The following SLC23A2 variants were observed in gnomAD, a reference collection of about 807,000 sequenced individuals.
SLC23A2 encodes the protein Na(+)/L-ascorbic acid transporter 2.
A neutral mutation model predicts 73.3 loss-of-function variants in SLC23A2; 36 were observed. The observed-to-expected ratio is 0.49, with a 90% CI of 0.38 to 0.65. The LOEUF is 0.65. Ranked by LOEUF, SLC23A2 falls within the 30% of genes least tolerant of loss-of-function variation. The pLI, the probability that SLC23A2 is intolerant of heterozygous loss-of-function variation, is 0.00. For missense variants in SLC23A2, 507 were observed against 841.6 expected, an observed-to-expected ratio of 0.60 and a Z score of 4.92; for synonymous variants, 343 against 327.3, an observed-to-expected ratio of 1.05 and a Z score of -0.52.
chr20:4,909,423 T>C (rs1210535410), intron 4 of SLC23A2, among the ~76,000 whole-genome samples: 1 of 152,202 alleles, frequency 6.6e-6, no homozygotes, highest in East Asian at 1.9e-4. Context: ...AGGGGGCACA[T>C]TTTCAACTTT....
At chr20:4,901,702 A>C (rs1030194479) in intron 5 of SLC23A2, among the ~76,000 whole-genome samples, 13 of 152,210 alleles carry the variant, frequency 8.5e-5, no homozygotes, top group African/African-American at 2.2e-4. Context: ...TTAAAAAATA[A>C]GACTGAAAAC....
At chr20:4,861,567 T>C (rs1340919413) in intron 15 of SLC23A2, among the ~76,000 whole-genome samples, 1 of 152,140 alleles carries the variant, frequency 6.6e-6, no homozygotes, top group Non-Finnish European at 1.5e-5. Context: ...GAGGAGTTAA[T>C]AGGATAGACA....
In SLC23A2 at chr20:4,979,066, G is replaced by A. The variant is rs941864289; in HGVS notation, c.-281-8147C>T. ...TCCCAGTACTTTGGGAGGCTGAGGCGGGCAGATCACAAGGTCAGGAGTTCG... is the reference window on the plus strand; with the variant it reads ...TCCCAGTACTTTGGGAGGCTGAGGCAGGCAGATCACAAGGTCAGGAGTTCG... On this transcript the variant is annotated intron_variant, in intron 1 of 16. Coordinates refer to ENST00000338244, the MANE Select transcript of SLC23A2 (RefSeq NM_005116.6). Among the ~76,000 whole-genome samples, 8 of 151,988 alleles carry A rather than the reference G, an allele frequency of 5.3e-5. No individual in the cohort carries two copies. In the East Asian group the frequency reaches 7.7e-4, roughly 15 times the overall value.
At chr20:4,890,513 C>T (rs1931291792) in intron 6 of SLC23A2, among the ~76,000 whole-genome samples, 1 of 152,058 alleles carries the variant, frequency 6.6e-6, no homozygotes, top group African/African-American at 2.4e-5. Context: ...ACTAGCCAGG[C>T]ATGGTGGCAG....
intron 9 of SLC23A2, among the ~76,000 whole-genome samples, chr20:4,879,736 C>T (rs1313314202): frequency 6.6e-6 from 1 of 152,160 alleles, no homozygotes; most frequent in Non-Finnish European, 1.5e-5. Context: ...GATTTCAACA[C>T]ATTTTCTAAT....
chr20:4,988,561 C>T (rs879256690), intron 1 of SLC23A2, among the ~76,000 whole-genome samples: 6 of 151,592 alleles, frequency 4.0e-5, no homozygotes, highest in Admixed American at 4.0e-4. Context: ...CATAGTGAAA[C>T]CCTGTCTCTA....
Position 4,867,766 on chromosome 20 carries a change from G to T in SLC23A2, c.1356+4C>A, listed in dbSNP as rs753802942. ...CAATCATTTAATTAGAAAAATCTGT[G>T]TACCTTTGTAATTCCCAAAACTCCA... On this transcript the variant is annotated splice_donor_region_variant and intron_variant, in intron 13 of 16. Transcript: ENST00000338244. 9 of 1,499,926 alleles carry T rather than the reference G, an allele frequency of 6.0e-6. No homozygotes were observed. The East Asian group carries it at 1.1e-4, about 19-fold the overall frequency. 92.9% of individuals were successfully genotyped at this position (1,499,926 alleles called of 1,614,324 possible). A position where few individuals can be genotyped will look rare whatever the true frequency, so the allele number is the denominator to read the frequency against.
intron 1 of SLC23A2, among the ~76,000 whole-genome samples, chr20:4,987,001 A>G (rs986733839): frequency 6.6e-6 from 1 of 152,114 alleles, no homozygotes; most frequent in Admixed American, 6.6e-5. Flanking sequence ...CTTCTGGTGA[A>G]GTCTACTGTA....
intron 3 of SLC23A2, among the ~76,000 whole-genome samples, chr20:4,923,383 C>T (rs1273960854): frequency 6.6e-6 from 1 of 152,196 alleles, no homozygotes; most frequent in African/African-American, 2.4e-5. Context: ...TATTCCTTTT[C>T]TAACACTTTT....
At chr20:4,903,321 G>A (rs1443504895) in intron 4 of SLC23A2, among the ~76,000 whole-genome samples, 2 of 152,118 alleles carry the variant, frequency 1.3e-5, no homozygotes, top group Non-Finnish European at 2.9e-5. Context: ...CATCAGTTCT[G>A]AACTCATGCA....
At chr20:4,900,740 T>TC (rs1931712828) in intron 5 of SLC23A2, among the ~76,000 whole-genome samples, 2 of 151,522 alleles carry the variant, frequency 1.3e-5, no homozygotes, top group Non-Finnish European at 2.9e-5. Context: ...CCTTTGGGAG[T>TC]CCCCCCAACC....
In SLC23A2 at chr20:4,934,139, T is replaced by C. The variant is rs72552370; in HGVS notation, c.-154-1423A>G. 8.9e-3 allele frequency among the ~76,000 whole-genome samples: 1,355 copies of C among 152,294 alleles called. 22 individuals are homozygous for C. The highest frequency in any genetic ancestry group is 0.031 in the African/African-American group (1,290 of 41,558). On this transcript the variant is annotated intron_variant, in intron 2 of 16. Transcript: ENST00000338244. ...CATCAAATTCTTCCGGGGTGGTCGT[T>C]CTTGTTTGCATATTCATGCACATTT...
chr20:4,957,285 C>T (rs2087305936), intron 2 of SLC23A2, among the ~76,000 whole-genome samples: 1 of 151,930 alleles, frequency 6.6e-6, no homozygotes, highest in Non-Finnish European at 1.5e-5. Context: ...GCAAGACTCC[C>T]ATCTGTACAA....
chr20:5,006,554 T>TATA (rs986536031), intron 1 of SLC23A2, among the ~76,000 whole-genome samples: 4 of 139,084 alleles, frequency 2.9e-5, no homozygotes, highest in East Asian at 3.9e-4. Context: ...CCATTTTATT[T>TATA]ATTTATTTAT....
At chr20:4,906,551 C>T (rs978913655) in intron 4 of SLC23A2, among the ~76,000 whole-genome samples, 7 of 151,302 alleles carry the variant, frequency 4.6e-5, no homozygotes, top group African/African-American at 9.7e-5. Context: ...ACCCAGGAGG[C>T]AGAGGCTGCA....
chr20:5,005,794 C>T (rs1028138952), upstream of SLC23A2, among the ~76,000 whole-genome samples: 1 of 152,096 alleles, frequency 6.6e-6, no homozygotes, highest in Non-Finnish European at 1.5e-5. Context: ...TCGAGACCAG[C>T]CTGACCAACA....
Position 4,883,183 on chromosome 20 carries a change from C to T in SLC23A2, c.824+459G>A, listed in dbSNP as rs1381333461. ...ACCCACCCGTCAGGAGTGCAGAGCT[C>T]AGTGTGGCCTGGGGAGAAGAGTCAC... On this transcript the variant is annotated intron_variant, in intron 9 of 16. Coordinates refer to ENST00000338244, the MANE Select transcript of SLC23A2 (RefSeq NM_005116.6). The surrounding 1 kb of genome is among the most constrained non-coding windows in gnomAD (Gnocchi z 4.5). Among the ~76,000 whole-genome samples the T allele has an allele frequency of 6.6e-6, 1 of 152,164 alleles. No individual in the cohort carries two copies. Among genetic ancestry groups the T allele is most frequent in the Non-Finnish European group, 1.5e-5 (1 of 68,026 alleles).
intron 1 of SLC23A2, among the ~76,000 whole-genome samples, chr20:5,008,251 G>A (rs1172043945): frequency 1.3e-5 from 2 of 152,018 alleles, no homozygotes; most frequent in African/African-American, 2.4e-5. Flanking sequence ...ACCACTCAGT[G>A]GCATTAAGTG....
intron 9 of SLC23A2, among the ~76,000 whole-genome samples, chr20:4,877,793 A>G (rs905491740): frequency 2.0e-5 from 3 of 152,224 alleles, no homozygotes; most frequent in Non-Finnish European, 2.9e-5. Context: ...GAAATTTTCC[A>G]TAAGAAAAGT....
Sources: allele counts gnomAD v4.1 joint callset (sites outside exome capture counted in the v4.1 genomes callset), GRCh38; gene constraint gnomAD v4.1.1; non-coding constraint Gnocchi (gnomAD v3.1); transcripts MANE v1.5; gene names NCBI Gene and HGNC (gene_info 2026-07-23, HGNC 2026-07-21).